The following MCC variants were observed in gnomAD, a reference collection of about 807,000 sequenced individuals.
MCC encodes the protein colorectal mutant cancer protein.
In MCC, 90 loss-of-function variants were observed where a neutral mutation model predicts 116.2. The ratio of observed to expected loss-of-function variants is 0.77; its 90% CI spans 0.65 to 0.92. The LOEUF is 0.92. Among genes scored for constraint, MCC ranks in the 40% least tolerant of loss-of-function variants. The pLI, the probability that MCC is intolerant of heterozygous loss-of-function variation, is 0.00. For missense variants in MCC, 1,516 were observed against 1,312.2 expected (o/e 1.16, Z -2.40); for synonymous variants, 578 against 510.5 (o/e 1.13, Z -1.78).
intron 3 of MCC, among the ~76,000 whole-genome samples, chr5:113,252,550 T>A (rs6594694): frequency 2.0e-5 from 3 of 152,150 alleles, no homozygotes; most frequent in African/African-American, 7.2e-5. Flanking sequence ...AGGATTCCCA[T>A]TGATTCTGTA....
intron 3 of MCC, among the ~76,000 whole-genome samples, chr5:113,212,972 CAT>C (rs1359437790): frequency 5.9e-5 from 9 of 152,344 alleles, no homozygotes; most frequent in Non-Finnish European, 7.3e-5. Context: ...ACTTCAAACA[CAT>C]GTTCTTTCTG....
At chr5:113,433,533 A>G (rs2150412062) in intron 1 of MCC, 2 of 646,144 alleles carry the variant, frequency 3.1e-6, no homozygotes, top group Admixed American at 5.8e-5. Flanking sequence ...CGACTGTCTC[A>G]GCCTTGGATT....
At chr5:113,254,115 G>C (rs1764913610) in intron 3 of MCC, among the ~76,000 whole-genome samples, 1 of 152,138 alleles carries the variant, frequency 6.6e-6, no homozygotes, top group African/African-American at 2.4e-5. Context: ...TCCAAAGAAA[G>C]GTCCATCAAA....
intron 3 of MCC, among the ~76,000 whole-genome samples, chr5:113,252,459 G>C (rs1231129615): frequency 6.6e-6 from 1 of 152,202 alleles, no homozygotes; most frequent in Non-Finnish European, 1.5e-5. Flanking sequence ...CAAGCTCCCT[G>C]TGAGAATCTA....
intron 14 of MCC, among the ~76,000 whole-genome samples, chr5:113,058,666 T>G (rs1351933541): frequency 1.3e-5 from 2 of 152,158 alleles, no homozygotes; most frequent in Non-Finnish European, 2.9e-5. Context: ...CCTGGATAAA[T>G]GTTCCTCCTC....
chr5:113,414,900 G>GGTACCA (rs1561559346), intron 1 of MCC, among the ~76,000 whole-genome samples: 1 of 152,196 alleles, frequency 6.6e-6, no homozygotes, highest in Non-Finnish European at 1.5e-5. Context: ...TGCAGTGGCT[G>GGTACCA]GTACCAGTTG....
intron 1 of MCC, among the ~76,000 whole-genome samples, chr5:113,487,784 G>T (rs1034940779): frequency 2.6e-5 from 4 of 152,232 alleles, no homozygotes; most frequent in African/African-American, 7.2e-5. Context: ...TTCCCTGTCC[G>T]AGGCTGTCGC....
rs960917280 is a variant in MCC at position 113,163,168 on chromosome 5, A to G, written c.628-11746T>C. ...TCAGGTAAGAGACAGTCAAGAACCA[A>G]GCGGGACATACATAATGACCCCAAA... On this transcript the variant is annotated intron_variant, in intron 3 of 18. Transcript: ENST00000408903. 2.8e-4 allele frequency among the ~76,000 whole-genome samples: 42 copies of G among 152,298 alleles called. 1 individual carries two copies. Among genetic ancestry groups the G allele is most frequent in the African/African-American group, 1.0e-3 (42 of 41,548 alleles).
chr5:113,369,545 T>G (rs1220180249), intron 2 of MCC, among the ~76,000 whole-genome samples: 1 of 152,148 alleles, frequency 6.6e-6, no homozygotes, highest in Non-Finnish European at 1.5e-5. Flanking sequence ...CTCTGCAGAG[T>G]CTCTGTTCCC....
chr5:113,184,898 A>T (rs558678690), intron 3 of MCC, among the ~76,000 whole-genome samples: 10 of 152,202 alleles, frequency 6.6e-5, no homozygotes, highest in Non-Finnish European at 1.5e-4. Flanking sequence ...CTCATGACAC[A>T]CACTGTGCAG....
At chr5:113,123,714 A>G (rs1204665592) in intron 5 of MCC, among the ~76,000 whole-genome samples, 2 of 152,176 alleles carry the variant, frequency 1.3e-5, no homozygotes, top group Admixed American at 6.5e-5. Context: ...AGGTATGGAG[A>G]CAGCAAAATG....
intron 17 of MCC, among the ~76,000 whole-genome samples, chr5:113,038,421 G>A (rs773181029): frequency 5.3e-5 from 8 of 152,082 alleles, no homozygotes; most frequent in Non-Finnish European, 8.8e-5. Flanking sequence ...GGGAGTTGGG[G>A]GTAGAACCAG....
At chr5:113,223,452 G>A (rs1477719300) in intron 3 of MCC, among the ~76,000 whole-genome samples, 2 of 152,084 alleles carry the variant, frequency 1.3e-5, no homozygotes, top group East Asian at 1.9e-4. Flanking sequence ...CTGGGGATGC[G>A]TTTGAATTTC....
Position 113,250,319 on chromosome 5 carries a change from G to A in MCC, c.627+90200C>T, listed in dbSNP as rs527545534. 3.9e-5 allele frequency among the ~76,000 whole-genome samples: 6 copies of A among 152,304 alleles called. No homozygotes were observed. The East Asian group carries it at 5.8e-4, about 15-fold the overall frequency. On this transcript the variant is annotated intron_variant, in intron 3 of 18. Coordinates refer to ENST00000408903, the MANE Select transcript of MCC (RefSeq NM_001085377.2). ...AATGAGAACAAGTGACTGCTCAAACGTCCAACGTGGGAAAACTGGAAGATT... is the reference window on the plus strand; with the variant it reads ...AATGAGAACAAGTGACTGCTCAAACATCCAACGTGGGAAAACTGGAAGATT...
rs751558750 is a variant in MCC, at chr5:113,122,763, C to G, written c.948G>C (p.Glu316Asp). The change falls in exon 6 of 19, where the codon GAG (glutamate) becomes GAC (aspartate). Residue 316 changes from glutamate (E) to aspartate (D), a missense_variant. Transcript: ENST00000408903. ...ELSQSQHEVN[E>D]DSRSMDQDQT... is the part of the protein sequence containing the mutation. Reference sequence around the variant, plus strand: ...GGTCTTGGTCCATGCTTCGAGAGTCCTCGTTGACCTCGTGTTGGCTCTGGC... The same window carrying G: ...GGTCTTGGTCCATGCTTCGAGAGTCGTCGTTGACCTCGTGTTGGCTCTGGC... 1 of 1,614,086 alleles carries G rather than the reference C, an allele frequency of 6.2e-7. No homozygotes were observed. Among genetic ancestry groups the G allele is most frequent in the Non-Finnish European group, 8.5e-7 (1 of 1,179,968 alleles).
intron 1 of MCC, among the ~76,000 whole-genome samples, chr5:113,410,958 A>G (rs189479400): frequency 6.6e-6 from 1 of 152,302 alleles, no homozygotes; most frequent in African/African-American, 2.4e-5. Context: ...ATGGCTGCAT[A>G]GTATTCCATG....
At chr5:113,438,610 C>T (rs1209865285) in intron 1 of MCC, among the ~76,000 whole-genome samples, 1 of 152,112 alleles carries the variant, frequency 6.6e-6, no homozygotes, top group Non-Finnish European at 1.5e-5. Flanking sequence ...CATTCTACTC[C>T]ATTGGGCCCA....
intron 3 of MCC, among the ~76,000 whole-genome samples, chr5:113,312,759 T>A (rs1388495372): frequency 6.6e-6 from 1 of 152,244 alleles, no homozygotes; most frequent in Non-Finnish European, 1.5e-5. Context: ...GAGTTTCTCA[T>A]ATATATACCT....
intron 3 of MCC, among the ~76,000 whole-genome samples, chr5:113,338,596 ATC>A (rs1561529741): frequency 6.6e-6 from 1 of 152,164 alleles, no homozygotes; most frequent in Admixed American, 6.5e-5. Context: ...TCAAATTTTG[ATC>A]TCTGTTTAAC....
Sources: allele counts gnomAD v4.1 joint callset (sites outside exome capture counted in the v4.1 genomes callset), GRCh38; gene constraint gnomAD v4.1.1; transcripts MANE v1.5; gene names NCBI Gene and HGNC (gene_info 2026-07-23, HGNC 2026-07-21).